Variants in ZMIZ1 observed in about 807,000 individuals in gnomAD.
The protein encoded by ZMIZ1 is zinc finger MIZ-type containing 1, also known as zinc finger MIZ domain-containing protein 1.
A neutral mutation model predicts 113.9 loss-of-function variants in ZMIZ1; 17 were observed. The ratio of observed to expected loss-of-function variants is 0.15; its 90% CI spans 0.10 to 0.22. ZMIZ1 has a LOEUF of 0.22. Ranked by LOEUF, ZMIZ1 falls within the 10% of genes least tolerant of loss-of-function variation. ZMIZ1 has a pLI of 1.00. For synonymous variants in ZMIZ1, 607 were observed against 603.1 expected, an observed-to-expected ratio of 1.01 and a Z score of -0.09; for missense variants, 1,059 against 1,477.8, an observed-to-expected ratio of 0.72 and a Z score of 4.65.
intron 7 of ZMIZ1, among the ~76,000 whole-genome samples, chr10:79,255,298 G>A (rs1254374399): frequency 6.6e-6 from 1 of 152,250 alleles, no homozygotes; most frequent in African/African-American, 2.4e-5. Flanking sequence ...ATCCCAGATG[G>A]GGAAGGCCGG....
intron 1 of ZMIZ1, among the ~76,000 whole-genome samples, chr10:79,075,576 C>CACCTGCACACAT (rs1554846540): frequency 1.3e-5 from 2 of 149,262 alleles, no homozygotes; most frequent in African/African-American, 2.6e-5. Flanking sequence ...CATGCACACA[C>CACCTGCACACAT]ATGCACACAT....
chr10:79,274,602 C>T (rs1000032175), intron 7 of ZMIZ1, among the ~76,000 whole-genome samples: 1 of 148,778 alleles, frequency 6.7e-6, no homozygotes, highest in Non-Finnish European at 1.5e-5. Context: ...CGCACAACAT[C>T]CACTGCCCCG....
At chr10:79,277,466 A>G (rs112417813) in intron 8 of ZMIZ1, 141 bp downstream of exon 8, 1 of 1,118,404 alleles carries the variant, frequency 8.9e-7, no homozygotes, top group Admixed American at 4.1e-5. Flanking sequence ...GTTTTTTTAC[A>G]TCTTCGTGGG....
chr10:79,275,516 C>G (rs181372839), intron 7 of ZMIZ1, among the ~76,000 whole-genome samples: 286 of 152,336 alleles, frequency 1.9e-3, no homozygotes, highest in African/African-American at 6.3e-3. Flanking sequence ...ACGGGAACCC[C>G]GTCCAGGATC....
rs537137868 is a variant in ZMIZ1 at position 79,073,964 on chromosome 10, C to T, written c.-337+4694C>T. Among the ~76,000 whole-genome samples the T allele has an allele frequency of 4.6e-5, 7 of 152,248 alleles. No individual in the cohort carries two copies. In the South Asian group the frequency reaches 1.2e-3, roughly 27 times the overall value. Reference sequence around the variant, plus strand: ...TCCTCAGGAGCCCACAGTCCAGTGCCGGCAGGAAGATCAGTCCAAATAAAT... The same window carrying T: ...TCCTCAGGAGCCCACAGTCCAGTGCTGGCAGGAAGATCAGTCCAAATAAAT... On this transcript the variant is annotated intron_variant, in intron 1 of 24. Coordinates refer to ENST00000334512, the MANE Select transcript of ZMIZ1 (RefSeq NM_020338.4).
chr10:79,315,344 A>G lies in ZMIZ1; in HGVS notation c.*2595A>G, dbSNP rs971787970. ...GCCCCAGGTTGTGACAGGTGCAGGTAGACAACGCCCATAAACAGAGATGGT... is the reference window on the plus strand; with the variant it reads ...GCCCCAGGTTGTGACAGGTGCAGGTGGACAACGCCCATAAACAGAGATGGT... On this transcript the variant is annotated 3_prime_UTR_variant, in exon 25 of 25. Coordinates refer to ENST00000334512, the MANE Select transcript of ZMIZ1 (RefSeq NM_020338.4). 7.2e-5 allele frequency: 11 copies of G among 152,918 alleles called. No individual in the cohort carries two copies. The highest frequency in any genetic ancestry group is 1.6e-4 in the Non-Finnish European group (11 of 68,148). The allele number at this position is 152,918 out of a possible 1,614,324, so 9.5% of individuals were successfully genotyped here.
chr10:79,268,744 G>A (rs1230789026), intron 7 of ZMIZ1, among the ~76,000 whole-genome samples: 1 of 152,220 alleles, frequency 6.6e-6, no homozygotes, highest in Non-Finnish European at 1.5e-5. Context: ...ACCAGGCCCT[G>A]TGCAGCCTCT....
intron 14 of ZMIZ1, among the ~76,000 whole-genome samples, chr10:79,297,976 AC>A (rs1226246073): frequency 2.0e-5 from 3 of 152,146 alleles, no homozygotes; most frequent in Non-Finnish European, 2.9e-5. Context: ...CCCCGACTCC[AC>A]CTGGGGACCC....
chr10:79,179,040 G>A (rs765247748), intron 4 of ZMIZ1, among the ~76,000 whole-genome samples: 1 of 152,244 alleles, frequency 6.6e-6, no homozygotes, highest in African/African-American at 2.4e-5. Context: ...AGCTGTGACT[G>A]CTGACTCACA....
chr10:79,301,322 T>G (rs1009594991), intron 17 of ZMIZ1, among the ~76,000 whole-genome samples: 1 of 152,102 alleles, frequency 6.6e-6, no homozygotes, highest in Non-Finnish European at 1.5e-5. Flanking sequence ...GCAGTTGTCA[T>G]TGTCAGCACC....
At chr10:79,165,852 G>C (rs1846304214) in intron 4 of ZMIZ1, among the ~76,000 whole-genome samples, 1 of 149,424 alleles carries the variant, frequency 6.7e-6, no homozygotes, top group Non-Finnish European at 1.5e-5. Context: ...AGGCGGGCCT[G>C]GTCTGCTAGG....
chr10:79,258,464 ACACATGTGCAGTAG>A (rs1851056449), intron 7 of ZMIZ1, among the ~76,000 whole-genome samples: 1 of 152,260 alleles, frequency 6.6e-6, no homozygotes, highest in Non-Finnish European at 1.5e-5. Flanking sequence ...TGCACTGGCC[ACACATGTGCAGTAG>A]CACATGTGGC....
intron 3 of ZMIZ1, among the ~76,000 whole-genome samples, 162 bp from the exon 4 acceptor site, chr10:79,161,891 G>A (rs1156254476): frequency 6.6e-6 from 1 of 152,216 alleles, no homozygotes; most frequent in African/African-American, 2.4e-5. Flanking sequence ...ACTGGCAGGT[G>A]TGGGGAGTCA....
chr10:79,110,333 G>C (rs7914684), intron 1 of ZMIZ1, among the ~76,000 whole-genome samples: 74,933 of 152,078 alleles, frequency 0.49, 18,645 homozygotes, highest in African/African-American at 0.55. Context: ...GCCTTATTGC[G>C]ATACCGGTGG....
chr10:79,269,143 C>T (rs1043130537), intron 7 of ZMIZ1, among the ~76,000 whole-genome samples: 4 of 152,122 alleles, frequency 2.6e-5, no homozygotes, highest in African/African-American at 9.7e-5. Flanking sequence ...CAGGCAAGCC[C>T]CTGCAGCTCC....
chr10:79,158,105 T>A (rs543710403), intron 3 of ZMIZ1, among the ~76,000 whole-genome samples: 1 of 152,294 alleles, frequency 6.6e-6, no homozygotes, highest in East Asian at 1.9e-4. Flanking sequence ...CTTGAGCAAT[T>A]ACCCTGATTT....
chr10:79,126,024 A>G (rs574264875), intron 2 of ZMIZ1, among the ~76,000 whole-genome samples: 1 of 152,190 alleles, frequency 6.6e-6, no homozygotes, highest in African/African-American at 2.4e-5. Context: ...GGACCTGTGG[A>G]GAGCCACCCA....
chr10:79,092,092 T>A (rs573866094), intron 1 of ZMIZ1, among the ~76,000 whole-genome samples: 2 of 152,110 alleles, frequency 1.3e-5, no homozygotes, highest in African/African-American at 4.8e-5. Flanking sequence ...CAGCAGCAGC[T>A]GGGGCTTCTG....
intron 7 of ZMIZ1, among the ~76,000 whole-genome samples, chr10:79,254,725 G>C (rs1168401407): frequency 6.6e-6 from 1 of 152,184 alleles, no homozygotes; most frequent in East Asian, 1.9e-4. Context: ...TGAGAAATTT[G>C]AAGGGCAGTT....
Sources: allele counts gnomAD v4.1 joint callset (sites outside exome capture counted in the v4.1 genomes callset), GRCh38; gene constraint gnomAD v4.1.1; transcripts MANE v1.5; gene names NCBI Gene and HGNC (gene_info 2026-07-23, HGNC 2026-07-21).